Variants in PHIP observed in about 807,000 individuals in gnomAD.
PHIP encodes PHIP subunit of CUL4-Ring ligase complex.
In PHIP, 54 loss-of-function variants were observed where a neutral mutation model predicts 236.8. That is an observed-to-expected ratio of 0.23 (90% CI 0.18 to 0.29). PHIP has a LOEUF of 0.29. PHIP is among the 10% of genes least tolerant of loss of function. The pLI is 1.00. For synonymous variants in PHIP, 756 were observed against 718.9 expected, an observed-to-expected ratio of 1.05 and a Z score of -0.83; for missense variants, 1,370 against 2,190.8, an observed-to-expected ratio of 0.63 and a Z score of 7.48.
At chr6:79,047,728 TATATTA>T (rs1772573886) in intron 6 of PHIP, among the ~76,000 whole-genome samples, 1 of 152,140 alleles carries the variant, frequency 6.6e-6, no homozygotes, top group African/African-American at 2.4e-5. Context: ...CACAGTCAAT[TATATTA>T]ATATCTTCTA....
chr6:79,043,778 T>A (rs1221352892), intron 6 of PHIP, among the ~76,000 whole-genome samples: 1 of 151,846 alleles, frequency 6.6e-6, no homozygotes, highest in Non-Finnish European at 1.5e-5. Context: ...AAATATATGT[T>A]GACTGATCTG....
At chr6:78,962,682 T>A (rs909414350) in intron 30 of PHIP, among the ~76,000 whole-genome samples, 8 of 152,250 alleles carry the variant, frequency 5.3e-5, no homozygotes, top group African/African-American at 1.9e-4. Context: ...CCCTCTCCTC[T>A]CCCCTTAAGA....
chr6:79,033,349 T>C (rs539478066), intron 7 of PHIP, among the ~76,000 whole-genome samples: 1 of 152,356 alleles, frequency 6.6e-6, no homozygotes, highest in South Asian at 2.1e-4. Flanking sequence ...TCCTAGATGA[T>C]GTATTTTTCC....
At chr6:79,027,556 A>C (rs1164888407) in intron 7 of PHIP, among the ~76,000 whole-genome samples, 2 of 152,196 alleles carry the variant, frequency 1.3e-5, no homozygotes, top group Non-Finnish European at 2.9e-5. Flanking sequence ...ACAACCACTA[A>C]AGATATAAGA....
At chr6:78,947,593 G>A (rs759743455) in intron 36 of PHIP, 30 bp downstream of exon 36, 4 of 1,115,008 alleles carry the variant, frequency 3.6e-6, no homozygotes, top group Non-Finnish European at 2.6e-6. Flanking sequence ...ACTTAATCTA[G>A]TCATAAAAGA....
chr6:78,948,856 T>G (rs1773978394), intron 35 of PHIP, among the ~76,000 whole-genome samples: 1 of 152,244 alleles, frequency 6.6e-6, no homozygotes. Context: ...AACTTGACTT[T>G]GCACCATCAA....
chr6:79,017,066 T>A (rs1230502933), intron 12 of PHIP, among the ~76,000 whole-genome samples: 2 of 151,966 alleles, frequency 1.3e-5, no homozygotes. Context: ...ACATTTTCAA[T>A]CTATACCAAA....
In PHIP at chr6:79,060,651, T is replaced by G; in HGVS notation, c.340+17A>C. On this transcript the variant is annotated intron_variant, in intron 5 of 39. Transcript: ENST00000275034. The stretch of plus-strand genomic sequence containing the variant: ...TGAGATAAATAATGTCTAAATCCTA[T>G]GAGAAAATTTTCATACTTTTATTTG... The G allele has an allele frequency of 6.2e-7, 1 of 1,609,762 alleles. No homozygotes were observed. The highest frequency in any genetic ancestry group is 1.1e-5 in the South Asian group (1 of 90,474).
At chr6:79,036,917 G>A (rs190400028) in intron 7 of PHIP, among the ~76,000 whole-genome samples, 1,365 of 80,468 alleles carry the variant, frequency 0.017, 16 homozygotes, top group Non-Finnish European at 0.023. Flanking sequence ...GCAAGACTCC[G>A]TCTCAAAAAA....
intron 6 of PHIP, among the ~76,000 whole-genome samples, chr6:79,053,611 C>G (rs1485505698): frequency 2.0e-5 from 3 of 152,126 alleles, no homozygotes; most frequent in African/African-American, 7.2e-5. Flanking sequence ...TCATGGACTT[C>G]CCAGGTCCAA....
At chr6:78,951,950 A>G (rs1253553026) in intron 35 of PHIP, among the ~76,000 whole-genome samples, 2 of 152,226 alleles carry the variant, frequency 1.3e-5, no homozygotes, top group Non-Finnish European at 2.9e-5. Flanking sequence ...CAACATCAGT[A>G]AAGTGAGTGG....
At chr6:78,975,365 G>A (rs1767969637) in intron 24 of PHIP, among the ~76,000 whole-genome samples, 2 of 152,224 alleles carry the variant, frequency 1.3e-5, no homozygotes, top group African/African-American at 4.8e-5. Flanking sequence ...GTATTGATGG[G>A]ACATATTTCA....
chr6:78,940,656 G>C lies in PHIP; in HGVS notation c.*37C>G. The C allele has an allele frequency of 7.5e-7, 1 of 1,335,682 alleles. No homozygotes were observed. The highest frequency in any genetic ancestry group is 1.0e-6 in the Non-Finnish European group (1 of 989,062). 82.7% of individuals were successfully genotyped at this position (1,335,682 alleles called of 1,614,324 possible). On this transcript the variant is annotated 3_prime_UTR_variant, in exon 40 of 40. Transcript: ENST00000275034. The stretch of plus-strand genomic sequence containing the variant: ...TTCTACTTATTCCTTAACTGTACCT[G>C]CTTTATAGATTTTGAAGTAAAATAT...
At position 79,078,154 on chromosome 6, in the gene PHIP, T is replaced by C. The variant is rs929058621; in HGVS notation, c.-86A>G. ...GGTGCCGCCGCCTGCCCTATAGCTG[T>C]CAGTGTGTGTTCACGAGCCGAGCTT... On this transcript the variant is annotated 5_prime_UTR_variant, in exon 1 of 40. Transcript: ENST00000275034. 6 of 1,350,684 alleles carry C rather than the reference T, an allele frequency of 4.4e-6. No homozygotes were observed. The highest frequency in any genetic ancestry group is 1.5e-5 in the African/African-American group (1 of 68,418). 83.7% of individuals were successfully genotyped at this position (1,350,684 alleles called of 1,614,324 possible).
At chr6:79,027,477 A>T (rs568204402) in intron 7 of PHIP, among the ~76,000 whole-genome samples, 19 of 152,280 alleles carry the variant, frequency 1.2e-4, no homozygotes, top group African/African-American at 4.6e-4. Flanking sequence ...GATGGCCTTT[A>T]AAGTTCCCTA....
In PHIP at chr6:79,075,165, A is replaced by T. The variant is rs141183492; in HGVS notation, c.189+2283T>A. Among the ~76,000 whole-genome samples, 97 of 152,286 alleles carry T rather than the reference A, an allele frequency of 6.4e-4. 1 individual carries two copies. The South Asian group carries it at 8.1e-3, about 13-fold the overall frequency. ...GACTTAGATATTAAACAGCGAGATC[A>T]ACTATTGAACAAAAAAATCCAGTGT... is the stretch of plus-strand genomic sequence containing the variant. On this transcript the variant is annotated intron_variant, in intron 4 of 39. Transcript: ENST00000275034.
At chr6:78,951,056 T>C (rs1774112724) in intron 35 of PHIP, among the ~76,000 whole-genome samples, 1 of 152,132 alleles carries the variant, frequency 6.6e-6, no homozygotes, top group Non-Finnish European at 1.5e-5. Context: ...TTTAATTGAG[T>C]TCAATGCATT....
intron 15 of PHIP, among the ~76,000 whole-genome samples, chr6:79,006,570 C>T (rs1770302795): frequency 6.6e-6 from 1 of 151,924 alleles, no homozygotes; most frequent in South Asian, 2.1e-4. Context: ...AGAAAATACC[C>T]TCTCTCACCA....
chr6:79,049,046 A>AT (rs1002576046), intron 6 of PHIP, among the ~76,000 whole-genome samples: 4 of 150,624 alleles, frequency 2.7e-5, no homozygotes, highest in African/African-American at 7.3e-5. Context: ...TACTTAATTC[A>AT]TTTTTTATCC....
Sources: allele counts gnomAD v4.1 joint callset (sites outside exome capture counted in the v4.1 genomes callset), GRCh38; gene constraint gnomAD v4.1.1; transcripts MANE v1.5; gene names NCBI Gene and HGNC (gene_info 2026-07-23, HGNC 2026-07-21).